Variants in SUCLG2 observed in about 807,000 individuals in gnomAD.
SUCLG2 encodes succinate-CoA ligase GDP-forming subunit beta, also known as succinate--CoA ligase [GDP-forming] subunit beta, mitochondrial.
A neutral mutation model predicts 47.9 loss-of-function variants in SUCLG2; 42 were observed. The ratio of observed to expected loss-of-function variants is 0.88; its 90% CI spans 0.69 to 1.14. The LOEUF (loss-of-function observed/expected upper bound fraction) is 1.14, where lower values mean the gene tolerates loss of function less well. Among genes scored for constraint, SUCLG2 ranks in the 50% most tolerant of loss-of-function variants. The probability of loss-of-function intolerance (pLI) is 0.00; values close to 1 mark genes in which losing one functional copy is unlikely to be tolerated. For synonymous variants in SUCLG2, 195 were observed against 197.3 expected, an observed-to-expected ratio of 0.99 and a Z score of 0.10; for missense variants, 571 against 525.9, an observed-to-expected ratio of 1.09 and a Z score of -0.84.
At position 67,400,927 on chromosome 3, in the gene SUCLG2, G is replaced by C. The variant is rs138096059; in HGVS notation, c.1063-76C>G. Reference sequence around the variant, plus strand: ...CTCAAAAATAACTGGTTAAATAATAGAGACAATTAAAATAAGACTGCTCGT... The same window carrying C: ...CTCAAAAATAACTGGTTAAATAATACAGACAATTAAAATAAGACTGCTCGT... On this transcript the variant is annotated intron_variant, in intron 9 of 10. Coordinates refer to ENST00000307227, the MANE Select transcript of SUCLG2 (RefSeq NM_003848.4). 3,009 of 1,586,400 alleles carry C rather than the reference G, an allele frequency of 1.9e-3. 6 individuals carry two copies. Among genetic ancestry groups the C allele is most frequent in the Middle Eastern group, 0.015 (85 of 5,576 alleles).
chr3:67,442,368 G>C (rs1163775480), intron 9 of SUCLG2, among the ~76,000 whole-genome samples: 1 of 152,156 alleles, frequency 6.6e-6, no homozygotes, highest in Admixed American at 6.5e-5. Flanking sequence ...TCAAACTATG[G>C]TACCTGGAAC....
intron 1 of SUCLG2, among the ~76,000 whole-genome samples, chr3:67,620,403 G>A (rs187867150): frequency 2.0e-4 from 31 of 152,124 alleles, no homozygotes; most frequent in African/African-American, 7.0e-4. Flanking sequence ...TGGCCCACAT[G>A]GTGAAACCTT....
intron 9 of SUCLG2, among the ~76,000 whole-genome samples, chr3:67,470,802 T>C (rs757906164): frequency 6.6e-6 from 1 of 152,138 alleles, no homozygotes; most frequent in South Asian, 2.1e-4. Flanking sequence ...CCGCAGAAAA[T>C]GAGTTAAGAT....
chr3:67,561,869 G>A (rs1013923296), intron 2 of SUCLG2, among the ~76,000 whole-genome samples: 12 of 152,172 alleles, frequency 7.9e-5, no homozygotes, highest in African/African-American at 2.9e-4. Flanking sequence ...TACATGCAGA[G>A]TTCTTACAAA....
At chr3:67,542,050 T>A (rs1409352307) in intron 2 of SUCLG2, among the ~76,000 whole-genome samples, 1 of 151,974 alleles carries the variant, frequency 6.6e-6, no homozygotes, top group Non-Finnish European at 1.5e-5. Context: ...ATTTTGTATT[T>A]TTTAGTAGAG....
intron 4 of SUCLG2, among the ~76,000 whole-genome samples, chr3:67,521,436 G>T (rs559039218): frequency 6.6e-6 from 1 of 152,220 alleles, no homozygotes; most frequent in South Asian, 2.1e-4. Context: ...CCTCAGCCAG[G>T]TGTCCTTTTG....
chr3:67,379,347 C>A (rs758044303), intron 10 of SUCLG2, among the ~76,000 whole-genome samples: 1 of 152,156 alleles, frequency 6.6e-6, no homozygotes, highest in Non-Finnish European at 1.5e-5. Flanking sequence ...TCTAAGACCT[C>A]CAGATAGGTG....
chr3:67,547,848 G>A (rs1014539829), intron 2 of SUCLG2, among the ~76,000 whole-genome samples: 3 of 152,122 alleles, frequency 2.0e-5, no homozygotes, highest in African/African-American at 2.4e-5. Context: ...AAGCCAGGGA[G>A]AGATTCTGTC....
At chr3:67,408,178 T>A (rs979894329) in intron 9 of SUCLG2, among the ~76,000 whole-genome samples, 1 of 152,184 alleles carries the variant, frequency 6.6e-6, no homozygotes, top group African/African-American at 2.4e-5. Context: ...CTTTGGTATA[T>A]TCTTGGAGTT....
chr3:67,525,723 T>G (rs1462801374), intron 4 of SUCLG2, among the ~76,000 whole-genome samples: 1 of 152,138 alleles, frequency 6.6e-6, no homozygotes, highest in Non-Finnish European at 1.5e-5. Context: ...TAGGGCAACG[T>G]AAAGAGGACT....
At chr3:67,391,339 G>A (rs955263181) in intron 10 of SUCLG2, among the ~76,000 whole-genome samples, 5 of 151,990 alleles carry the variant, frequency 3.3e-5, no homozygotes, top group Admixed American at 6.6e-5. Context: ...AGTACAAATC[G>A]TGTCCTTCTT....
rs988099696 is a variant in SUCLG2, at chr3:67,369,039, T to C, written c.1184-8271A>G. On this transcript the variant is annotated intron_variant, in intron 10 of 10. Transcript: ENST00000493112. ...AACTCTTCACTGAGGGTGGGGGCTCTCCTGTGCATTGCAATATATTTAGGA... is the reference window on the plus strand; with the variant it reads ...AACTCTTCACTGAGGGTGGGGGCTCCCCTGTGCATTGCAATATATTTAGGA... Among the ~76,000 whole-genome samples, 9 of 152,316 alleles carry C rather than the reference T, an allele frequency of 5.9e-5. 1 individual carries two copies. The highest frequency in any genetic ancestry group is 2.6e-4 in the Admixed American group (4 of 15,280).
At chr3:67,545,660 T>G (rs1277300648) in intron 2 of SUCLG2, among the ~76,000 whole-genome samples, 1 of 152,138 alleles carries the variant, frequency 6.6e-6, no homozygotes, top group African/African-American at 2.4e-5. Context: ...CTATTTCCTT[T>G]TCTCTTTATG....
At chr3:67,586,181 T>C (rs775836933) in intron 2 of SUCLG2, among the ~76,000 whole-genome samples, 6 of 152,176 alleles carry the variant, frequency 3.9e-5, no homozygotes, top group Admixed American at 6.5e-5. Flanking sequence ...TAAACAAGGA[T>C]GAAGCATCCT....
chr3:67,405,505 A>G (rs1232229433), intron 9 of SUCLG2, among the ~76,000 whole-genome samples: 1 of 152,164 alleles, frequency 6.6e-6, no homozygotes, highest in Non-Finnish European at 1.5e-5. Flanking sequence ...GAATTCACAA[A>G]CACAACATTT....
chr3:67,592,825 A>G (rs1361593179), intron 2 of SUCLG2, among the ~76,000 whole-genome samples: 1 of 151,942 alleles, frequency 6.6e-6, no homozygotes, highest in African/African-American at 2.4e-5. Flanking sequence ...CACCAGGTAC[A>G]CTGTCACCTC....
At chr3:67,478,803 C>A (rs4579027) in intron 9 of SUCLG2, among the ~76,000 whole-genome samples, 3,347 of 152,274 alleles carry the variant, frequency 0.022, 71 homozygotes, top group African/African-American at 0.054. Flanking sequence ...GCTCTACATA[C>A]CCTCATCGGG....
At chr3:67,458,777 C>T (rs1035851700) in intron 9 of SUCLG2, among the ~76,000 whole-genome samples, 1 of 152,152 alleles carries the variant, frequency 6.6e-6, no homozygotes, top group African/African-American at 2.4e-5. Flanking sequence ...TAAAACACTC[C>T]AAGTATGCTG....
rs556460337 is a variant in SUCLG2, at chr3:67,481,961, C to T, written c.1062+13837G>A. On this transcript the variant is annotated intron_variant, in intron 9 of 10. Coordinates refer to ENST00000307227, the MANE Select transcript of SUCLG2 (RefSeq NM_003848.4). The stretch of plus-strand genomic sequence containing the variant: ...TGTGAGGCCGAGGCGGGCGGACCAC[C>T]TGAGGTCAGGAGTTTGAGACCAGCC... Among the ~76,000 whole-genome samples the T allele has an allele frequency of 3.3e-5, 5 of 152,278 alleles. No homozygotes were observed. In the South Asian group the frequency reaches 1.0e-3, roughly 32 times the overall value.
Sources: gnomAD v4.1 joint callset for allele counts (sites outside exome capture counted in the v4.1 genomes callset) on GRCh38, gnomAD v4.1.1 for gene constraint, MANE v1.5 for transcripts, NCBI Gene and HGNC (gene_info 2026-07-23, HGNC 2026-07-21) for gene names.